Variants in DAB1 observed in about 807,000 individuals in gnomAD.
The protein encoded by DAB1 is disabled homolog 1.
In DAB1, 15 loss-of-function variants were observed where a neutral mutation model predicts 64.6. That is an observed-to-expected ratio of 0.23 (90% CI 0.16 to 0.36). The LOEUF (loss-of-function observed/expected upper bound fraction) is 0.36. Among genes scored for constraint, DAB1 ranks in the 10% least tolerant of loss-of-function variants. The probability of loss-of-function intolerance (pLI) is 1.00; values close to 1 mark genes in which losing one functional copy is unlikely to be tolerated. For missense variants in DAB1, 596 were observed against 706.7 expected (o/e 0.84, Z 1.78); for synonymous variants, 235 against 251.9 (o/e 0.93, Z 0.64).
intron 1 of DAB1, among the ~76,000 whole-genome samples, chr1:57,353,895 T>A (rs547666943): frequency 5.3e-5 from 8 of 152,310 alleles, no homozygotes; most frequent in African/African-American, 1.9e-4. Flanking sequence ...GGCAGCCGGA[T>A]GTTATCTATA....
At chr1:57,058,943 T>C (rs1650110671) in intron 9 of DAB1, among the ~76,000 whole-genome samples, 1 of 152,188 alleles carries the variant, frequency 6.6e-6, no homozygotes, top group East Asian at 1.9e-4. Flanking sequence ...ATGAATATGT[T>C]AAGAGAAAAT....
intron 3 of DAB1, among the ~76,000 whole-genome samples, chr1:57,137,847 A>C (rs772247030): frequency 2.0e-5 from 3 of 152,188 alleles, no homozygotes; most frequent in African/African-American, 4.8e-5. Context: ...AGGAAGGCAC[A>C]TTCTGTTGAG....
chr1:58,274,967 T>A (rs1395767344), intron 4 of DAB1, among the ~76,000 whole-genome samples: 1 of 151,846 alleles, frequency 6.6e-6, no homozygotes, highest in Non-Finnish European at 1.5e-5. Context: ...ACCGGTCTTC[T>A]GCATCGCTCA....
At chr1:57,720,054 T>C (rs1046830884) in intron 6 of DAB1, among the ~76,000 whole-genome samples, 2 of 152,156 alleles carry the variant, frequency 1.3e-5, no homozygotes, top group Non-Finnish European at 2.9e-5. Context: ...TCTGGAACCT[T>C]GATGATTCTC....
intron 2 of DAB1, among the ~76,000 whole-genome samples, chr1:57,169,727 C>T (rs2100918692): frequency 6.6e-6 from 1 of 152,266 alleles, no homozygotes. Flanking sequence ...TGGTATCTGG[C>T]TTCCCTGGCC....
intron 6 of DAB1, among the ~76,000 whole-genome samples, chr1:57,666,877 G>A (rs1646454198): frequency 6.6e-6 from 1 of 151,032 alleles, no homozygotes; most frequent in Non-Finnish European, 1.5e-5. Flanking sequence ...AGAGGGAGGG[G>A]GAAGGGGAGA....
intron 7 of DAB1, among the ~76,000 whole-genome samples, chr1:57,532,324 ATTC>A (rs1644674471): frequency 7.4e-5 from 1 of 13,472 alleles, no homozygotes; most frequent in Non-Finnish European, 2.3e-4. Flanking sequence ...TAGGCTCTTC[ATTC>A]ATTCATTCAT....
intron 4 of DAB1, among the ~76,000 whole-genome samples, chr1:58,188,604 C>A (rs1299352189): frequency 6.6e-6 from 1 of 152,180 alleles, no homozygotes; most frequent in African/African-American, 2.4e-5. Flanking sequence ...TACAGGTGAT[C>A]ACTGGACGAT....
At chr1:57,142,738 T>C (rs1260691978) in intron 3 of DAB1, among the ~76,000 whole-genome samples, 1 of 152,042 alleles carries the variant, frequency 6.6e-6, no homozygotes, top group East Asian at 1.9e-4. Context: ...GGCCAAATCC[T>C]TTTAGTCCTC....
intron 7 of DAB1, among the ~76,000 whole-genome samples, chr1:57,634,417 T>C (rs1408933754): frequency 6.6e-6 from 1 of 152,200 alleles, no homozygotes; most frequent in Non-Finnish European, 1.5e-5. Flanking sequence ...TAATAATATA[T>C]AATCTTTTAG....
chr1:57,246,964 T>C (rs1459834135), intron 2 of DAB1, among the ~76,000 whole-genome samples: 1 of 152,232 alleles, frequency 6.6e-6, no homozygotes, highest in Non-Finnish European at 1.5e-5. Flanking sequence ...CCCCATTGTA[T>C]CTTGGAAATA....
At chr1:58,358,022 A>G (rs1454186074) in intron 3 of DAB1, among the ~76,000 whole-genome samples, 1 of 152,150 alleles carries the variant, frequency 6.6e-6, no homozygotes, top group African/African-American at 2.4e-5. Flanking sequence ...CTGCAAGTAA[A>G]TTTCCCACTC....
At chr1:57,279,732 A>C (rs868735906) in intron 2 of DAB1, among the ~76,000 whole-genome samples, 1 of 152,212 alleles carries the variant, frequency 6.6e-6, no homozygotes, top group Admixed American at 6.5e-5. Flanking sequence ...TACATAGTCA[A>C]AATCCTTCAA....
chr1:58,173,598 G>C (rs1286801751), intron 4 of DAB1, among the ~76,000 whole-genome samples: 2 of 152,124 alleles, frequency 1.3e-5, no homozygotes, highest in East Asian at 3.9e-4. Flanking sequence ...CACTCAGTTT[G>C]CTCCCAAAAC....
chr1:58,300,700 G>A (rs1378183606), intron 4 of DAB1, among the ~76,000 whole-genome samples: 1 of 146,586 alleles, frequency 6.8e-6, no homozygotes, highest in South Asian at 2.4e-4. Flanking sequence ...AAGGAAGGAA[G>A]GAAGGAAGGA....
chr1:57,151,844 C>G (rs552702954), intron 2 of DAB1, among the ~76,000 whole-genome samples: 1 of 126,088 alleles, frequency 7.9e-6, no homozygotes, highest in Non-Finnish European at 1.6e-5. Flanking sequence ...GACACAGTCT[C>G]GCTCTATTGC....
At chr1:57,947,706 GA>G in intron 5 of DAB1, among the ~76,000 whole-genome samples, 1 of 152,280 alleles carries the variant, frequency 6.6e-6, no homozygotes, top group Middle Eastern at 3.4e-3. Context: ...TGCCTCAGAA[GA>G]GGGAGAAATT....
chr1:57,615,835 A>C (rs996199557), intron 7 of DAB1, among the ~76,000 whole-genome samples: 2 of 152,354 alleles, frequency 1.3e-5, no homozygotes, highest in South Asian at 4.1e-4. Context: ...ACATGTCTTC[A>C]GGTCATCACT....
At chr1:58,154,131 C>T (rs942753476) in intron 4 of DAB1, among the ~76,000 whole-genome samples, 5 of 151,964 alleles carry the variant, frequency 3.3e-5, no homozygotes, top group Admixed American at 1.3e-4. Flanking sequence ...TTTTAAAAAA[C>T]GCTCCCTATC....
Sources: allele counts gnomAD v4.1 joint callset (sites outside exome capture counted in the v4.1 genomes callset), GRCh38; gene constraint gnomAD v4.1.1; transcripts MANE v1.5; gene names NCBI Gene and HGNC (gene_info 2026-07-23, HGNC 2026-07-21).